PLEKHA5: variants seen among roughly 807,000 people sequenced by gnomAD.
PLEKHA5 encodes pleckstrin homology domain-containing family A member 5.
A neutral mutation model predicts 181.9 loss-of-function variants in PLEKHA5; 55 were observed. That is an observed-to-expected ratio of 0.30 (90% CI 0.24 to 0.38). The LOEUF (loss-of-function observed/expected upper bound fraction) is 0.38, where lower values mean the gene tolerates loss of function less well. Among genes scored for constraint, PLEKHA5 ranks in the 10% least tolerant of loss-of-function variants. The probability of loss-of-function intolerance (pLI) is 1.00; values close to 1 mark genes in which losing one functional copy is unlikely to be tolerated. For missense variants in PLEKHA5, 1,432 were observed against 1,549.5 expected, an observed-to-expected ratio of 0.92 and a Z score of 1.27; for synonymous variants, 535 against 529.4, an observed-to-expected ratio of 1.01 and a Z score of -0.15.
intron 21 of PLEKHA5, among the ~76,000 whole-genome samples, chr12:19,336,877 T>G (rs552001274): frequency 5.8e-4 from 88 of 152,238 alleles, no homozygotes; most frequent in Non-Finnish European, 9.4e-4. Flanking sequence ...CTCTACAGTT[T>G]CCTAAAAACA....
intron 3 of PLEKHA5, among the ~76,000 whole-genome samples, chr12:19,219,905 T>A (rs1266235448): frequency 6.6e-6 from 1 of 152,082 alleles, no homozygotes; most frequent in East Asian, 1.9e-4. Context: ...AAAACAACAG[T>A]TAATACTTTC....
At chr12:19,247,132 G>A (rs995099713) in intron 3 of PLEKHA5, among the ~76,000 whole-genome samples, 4 of 152,162 alleles carry the variant, frequency 2.6e-5, no homozygotes, top group African/African-American at 4.8e-5. Flanking sequence ...TCGACTCTAC[G>A]AAAAGTATCT....
intron 3 of PLEKHA5, among the ~76,000 whole-genome samples, chr12:19,177,534 C>T (rs1426304355): frequency 6.6e-6 from 1 of 152,126 alleles, no homozygotes; most frequent in Admixed American, 6.5e-5. Context: ...GGATCAGTTC[C>T]CACTGCAACA....
At chr12:19,206,452 A>C (rs976967783) in intron 3 of PLEKHA5, among the ~76,000 whole-genome samples, 2 of 152,124 alleles carry the variant, frequency 1.3e-5, no homozygotes, top group African/African-American at 4.8e-5. Flanking sequence ...TGATGATTTG[A>C]AGAAAAAGCA....
rs1310391721 is a variant in PLEKHA5, at chr12:19,260,890, T to C, written c.538-59T>C. ...AAATAAAAATAAATAAATAAATAAA[T>C]GCACATGTGAGTTTTTGTTGTTTGA... On this transcript the variant is annotated intron_variant, in intron 6 of 31. Coordinates refer to ENST00000429027, the MANE Select transcript of PLEKHA5 (RefSeq NM_001256470.2). The C allele has an allele frequency of 1.4e-5, 13 of 960,912 alleles. No homozygotes were observed. In the South Asian group the frequency reaches 1.7e-4, roughly 12 times the overall value. The allele number at this position is 960,912 out of a possible 1,614,324, so 59.5% of individuals were successfully genotyped here. A position where few individuals can be genotyped will look rare whatever the true frequency, so the allele number is the denominator to read the frequency against.
intron 3 of PLEKHA5, among the ~76,000 whole-genome samples, chr12:19,145,431 T>G (rs2038671791): frequency 6.6e-6 from 1 of 152,192 alleles, no homozygotes; most frequent in Admixed American, 6.5e-5. Flanking sequence ...AAGTTATAAG[T>G]ATCAGTGGTT....
intron 3 of PLEKHA5, among the ~76,000 whole-genome samples, chr12:19,225,877 T>C (rs1007394895): frequency 6.6e-6 from 1 of 152,144 alleles, no homozygotes; most frequent in African/African-American, 2.4e-5. Flanking sequence ...ATATATTCAG[T>C]TGGGAAAAAA....
chr12:19,156,634 T>A (rs1473488197), intron 3 of PLEKHA5, among the ~76,000 whole-genome samples: 1 of 152,032 alleles, frequency 6.6e-6, no homozygotes, highest in African/African-American at 2.4e-5. Context: ...GTATTTGGTA[T>A]GAACTCTGAT....
chr12:19,336,923 C>T (rs1163100247), intron 21 of PLEKHA5, among the ~76,000 whole-genome samples: 1 of 150,852 alleles, frequency 6.6e-6, no homozygotes, highest in Non-Finnish European at 1.5e-5. Flanking sequence ...ATCTGTGTCA[C>T]TTGGTATTGA....
intron 15 of PLEKHA5, among the ~76,000 whole-genome samples, chr12:19,301,601 C>T (rs1038955440): frequency 2.0e-5 from 3 of 152,270 alleles, no homozygotes; most frequent in East Asian, 3.9e-4. Flanking sequence ...AAATATACCA[C>T]AAGGACATAA....
intron 15 of PLEKHA5, among the ~76,000 whole-genome samples, chr12:19,308,135 C>A (rs549186961): frequency 6.6e-6 from 1 of 152,066 alleles, no homozygotes; most frequent in Admixed American, 6.6e-5. Flanking sequence ...AGCAGATTCC[C>A]CTAAAACAAA....
At position 19,336,585 on chromosome 12, in the gene PLEKHA5, A is replaced by G; in HGVS notation, c.2519A>G (p.Gln840Arg). The G allele has an allele frequency of 6.2e-7, 1 of 1,601,046 alleles. No homozygotes were observed. Among genetic ancestry groups the G allele is most frequent in the Non-Finnish European group, 8.6e-7 (1 of 1,168,896 alleles). Residue 840 changes from glutamine to arginine, a missense_variant, in exon 21 of 32, where the codon CAA becomes CGA. Transcript: ENST00000429027. ...YDVTVTRNQM[Q>R]EQLDHLGEVQ... ...GTAACTGTTACCAGGAACCAGATGC[A>G]AGAGCAGCTGGATCACCTTGGTGAA... is the stretch of plus-strand genomic sequence containing the variant.
chr12:19,306,409 A>G (rs1843334544), intron 15 of PLEKHA5: 1 of 548,026 alleles, frequency 1.8e-6, no homozygotes, highest in Non-Finnish European at 3.5e-6. Flanking sequence ...TGGGGTAGAG[A>G]AAAGGTGGCG....
chr12:19,350,504 C>T (rs1175996059), intron 25 of PLEKHA5, among the ~76,000 whole-genome samples: 6 of 152,188 alleles, frequency 3.9e-5, no homozygotes, highest in Non-Finnish European at 5.9e-5. Flanking sequence ...TGGTGGCTCA[C>T]GCCTATCTAT....
chr12:19,317,043 T>C (rs2089078898), intron 16 of PLEKHA5, among the ~76,000 whole-genome samples: 1 of 152,170 alleles, frequency 6.6e-6, no homozygotes, highest in Non-Finnish European at 1.5e-5. Context: ...GCAGTAATTT[T>C]CTTAAAATTG....
chr12:19,355,519 A>T (rs928199449), intron 26 of PLEKHA5, among the ~76,000 whole-genome samples: 4 of 150,840 alleles, frequency 2.7e-5, no homozygotes, highest in Non-Finnish European at 5.9e-5. Flanking sequence ...ACTCGGCTAA[A>T]TTTTTTTTTC....
At chr12:19,185,081 C>T (rs539417217) in intron 3 of PLEKHA5, among the ~76,000 whole-genome samples, 1 of 151,832 alleles carries the variant, frequency 6.6e-6, no homozygotes, top group East Asian at 1.9e-4. Context: ...AAATGTACTT[C>T]TTCTCTATAC....
intron 3 of PLEKHA5, among the ~76,000 whole-genome samples, chr12:19,176,816 C>CT (rs1360234433): frequency 2.0e-5 from 3 of 152,002 alleles, no homozygotes; most frequent in Non-Finnish European, 4.4e-5. Context: ...TATGTATACA[C>CT]TGTGGAATGG....
At chr12:19,267,535 C>T (rs1306821688) in intron 8 of PLEKHA5, among the ~76,000 whole-genome samples, 1 of 152,048 alleles carries the variant, frequency 6.6e-6, no homozygotes, top group Admixed American at 6.6e-5. Context: ...TGGTGCTTGC[C>T]TATAGTCCTT....
Sources: allele counts gnomAD v4.1 joint callset (sites outside exome capture counted in the v4.1 genomes callset), GRCh38; gene constraint gnomAD v4.1.1; transcripts MANE v1.5; gene names NCBI Gene and HGNC (gene_info 2026-07-23, HGNC 2026-07-21).